ZNF451: variants seen among roughly 807,000 people sequenced by gnomAD.
The protein encoded by ZNF451 is E3 SUMO-protein ligase ZNF451.
A neutral mutation model predicts 107.1 loss-of-function variants in ZNF451; 80 were observed. The ratio of observed to expected loss-of-function variants is 0.75; its 90% confidence interval spans 0.62 to 0.90. ZNF451 has a LOEUF of 0.90. Among genes scored for constraint, ZNF451 ranks in the 40% least tolerant of loss-of-function variants. ZNF451 has a pLI of 0.00. For missense variants in ZNF451, 1,107 were observed against 1,236.2 expected (o/e 0.90, Z 1.57); for synonymous variants, 362 against 406.5 (o/e 0.89, Z 1.32).
rs1483854724 is a variant in ZNF451 at position 57,090,863 on chromosome 6, A to C, written c.74A>C (p.Asp25Ala). The change falls in exon 2 of 15, where the codon GAT becomes GCT. Residue 25 changes from aspartate to alanine, a missense_variant. Physicochemically the swap from Asp to Ala is moderately radical, Grantham distance 126. This residue lies in a region of ZNF451 where 339 missense variants were observed against 372.8 expected (regional missense o/e 0.91). Coordinates refer to ENST00000370706, the MANE Select transcript of ZNF451 (RefSeq NM_001031623.3). ...CCTGAGGCATCTGAGTCAACAACGGATGAAAATGAAGACGACATTCAGTTT... is the reference window on the plus strand; with the variant it reads ...CCTGAGGCATCTGAGTCAACAACGGCTGAAAATGAAGACGACATTCAGTTT... ...AGPEASESTTDENEDDIQFVS... is the reference protein window; with the variant it reads ...AGPEASESTTAENEDDIQFVS... 1.8e-5 allele frequency: 1 copy of C among 54,648 alleles called. No individual in the cohort carries two copies. The highest frequency in any genetic ancestry group is 2.7e-4 in the Admixed American group (1 of 3,686). 3.4% of individuals were successfully genotyped at this position (54,648 alleles called of 1,614,324 possible). A position where few individuals can be genotyped will look rare whatever the true frequency, so the allele number is the denominator to read the frequency against.
chr6:57,152,240 G>A lies in ZNF451; in HGVS notation c.2772G>A (p.Lys924=), dbSNP rs774523296. Residue 924 remains lysine, a synonymous_variant, in exon 12 of 15, where the codon AAG becomes AAA. Transcript: ENST00000370706. ...WGFQGGNTNW[K]PPLNCKIYNY... Reference sequence around the variant, plus strand: ...TAATAGGAGGAAACACCAATTGGAAGCCTCCGCTCAACTGTAAGATTTATA... The same window carrying A: ...TAATAGGAGGAAACACCAATTGGAAACCTCCGCTCAACTGTAAGATTTATA... 4.3e-6 allele frequency: 7 copies of A among 1,611,030 alleles called. No individual in the cohort carries two copies. The highest frequency in any genetic ancestry group is 5.1e-6 in the Non-Finnish European group (6 of 1,178,772).
intron 3 of ZNF451, chr6:57,104,287 A>G: frequency 1.0e-6 from 1 of 985,344 alleles, no homozygotes; most frequent in Non-Finnish European, 1.2e-6. Flanking sequence ...TGCTCTTGAT[A>G]TTGGCACTGT....
chr6:57,147,027 G>T, intron 9 of ZNF451, 63 bp from the exon 10 acceptor site: 1 of 1,410,712 alleles, frequency 7.1e-7, no homozygotes, highest in South Asian at 1.5e-5. Flanking sequence ...GCAATAAAAT[G>T]CAGCAATGGT....
rs771028745 is a variant in ZNF451 at position 57,152,233 on chromosome 6, A to G, written c.2765A>G (p.Asn922Ser). The G allele has an allele frequency of 1.9e-6, 3 of 1,611,270 alleles. No individual in the cohort carries two copies. The highest frequency in any genetic ancestry group is 2.2e-5 in the East Asian group (1 of 44,826). Reference sequence around the variant, plus strand: ...CTAAAATTAATAGGAGGAAACACCAATTGGAAGCCTCCGCTCAACTGTAAG... The same window carrying G: ...CTAAAATTAATAGGAGGAAACACCAGTTGGAAGCCTCCGCTCAACTGTAAG... ...FIWGFQGGNT[N>S]WKPPLNCKIY... is the part of the protein sequence containing the mutation. The change falls in exon 12 of 15, where the codon AAT becomes AGT. Residue 922 changes from asparagine (N) to serine (S), a missense_variant. This residue lies in a region of ZNF451 where 151 missense variants were observed against 173.3 expected (regional missense o/e 0.87). Transcript: ENST00000370706.
intron 7 of ZNF451, among the ~76,000 whole-genome samples, chr6:57,138,723 A>ATGTGTGTGTG (rs1562615442): frequency 8.5e-6 from 1 of 117,004 alleles, no homozygotes; most frequent in Non-Finnish European, 1.8e-5. Context: ...ATATATATAT[A>ATGTGTGTGTG]TATATATATA....
chr6:57,161,123 C>T lies in ZNF451; in HGVS notation c.3110C>T (p.Ser1037Leu), dbSNP rs1036189789. 7 of 1,550,064 alleles carry T rather than the reference C, an allele frequency of 4.5e-6. No homozygotes were observed. In the African/African-American group the frequency reaches 9.8e-5, roughly 22 times the overall value. The change falls in exon 14 of 15, where the codon TCA (serine) becomes TTA (leucine). Residue 1037 changes from serine to leucine, a missense_variant. By Grantham distance (145) the Ser-to-Leu change is moderately radical. This residue lies in a region of ZNF451 where 151 missense variants were observed against 173.3 expected (regional missense o/e 0.87). Transcript: ENST00000370706. ...SDDNMGAKNT[S>L]IGEEFISTED... ...GATAACATGGGTGCCAAAAATACTT[C>T]AATAGGAGAAGAATTTATATCCACA...
At chr6:57,130,188 A>G (rs778746837) in intron 5 of ZNF451, among the ~76,000 whole-genome samples, 7 of 152,168 alleles carry the variant, frequency 4.6e-5, no homozygotes, top group Non-Finnish European at 1.0e-4. Flanking sequence ...AAATATTTGC[A>G]TAATGAACAC....
chr6:57,108,628 G>C (rs1829979371), intron 3 of ZNF451: 1 of 985,158 alleles, frequency 1.0e-6, no homozygotes, highest in Non-Finnish European at 1.2e-6. Flanking sequence ...TAGATTCTTG[G>C]GACAGAACGG....
intron 13 of ZNF451, among the ~76,000 whole-genome samples, chr6:57,159,645 T>G (rs1359535338): frequency 6.6e-6 from 1 of 152,024 alleles, no homozygotes; most frequent in Non-Finnish European, 1.5e-5. Flanking sequence ...AGCCAAAGAT[T>G]GGACACCCCT....
chr6:57,100,751 C>T lies in ZNF451; in HGVS notation c.186+1610C>T, dbSNP rs924029166. The T allele has an allele frequency of 2.6e-6, 4 of 1,550,328 alleles. No homozygotes were observed. In the African/African-American group the frequency reaches 5.5e-5, roughly 21 times the overall value. ...GAAAGGATAGTTTCTCAAACTTCCTCTGTTGAGAACCCATTGGAGAACCAG... is the reference window on the plus strand; with the variant it reads ...GAAAGGATAGTTTCTCAAACTTCCTTTGTTGAGAACCCATTGGAGAACCAG... On this transcript the variant is annotated intron_variant, in intron 3 of 14. Transcript: ENST00000370706.
chr6:57,159,404 T>C (rs1256075275), intron 13 of ZNF451: 1 of 985,280 alleles, frequency 1.0e-6, no homozygotes, highest in Non-Finnish European at 1.2e-6. Flanking sequence ...GGTATTTTCC[T>C]TTTGTTCTTA....
intron 5 of ZNF451, 90 bp downstream of exon 5, chr6:57,128,930 A>G (rs1831054287): frequency 1.2e-6 from 1 of 857,392 alleles, no homozygotes; most frequent in Non-Finnish European, 1.8e-6. Context: ...GCTAATAAGC[A>G]TATAAGATAT....
intron 3 of ZNF451, chr6:57,124,353 G>C: frequency 1.4e-6 from 1 of 702,492 alleles, no homozygotes; most frequent in Non-Finnish European, 2.6e-6. Flanking sequence ...GTTTCCTATG[G>C]AGGTTCCTGC....
In ZNF451 at chr6:57,144,551, T is replaced by C. The variant is rs1281449256; in HGVS notation, c.1004+2456T>C. ...CCACCGCGCCTAGCCGTGAATTATATCTCAATAAAGCTGTTTAAAAATGTT... is the reference window on the plus strand; with the variant it reads ...CCACCGCGCCTAGCCGTGAATTATACCTCAATAAAGCTGTTTAAAAATGTT... On this transcript the variant is annotated intron_variant, in intron 9 of 14. Transcript: ENST00000370706. Among the ~76,000 whole-genome samples, 3 of 152,174 alleles carry C rather than the reference T, an allele frequency of 2.0e-5. No individual in the cohort carries two copies. The East Asian group carries it at 5.8e-4, about 29-fold the overall frequency.
intron 5 of ZNF451, among the ~76,000 whole-genome samples, chr6:57,132,629 G>A (rs1562610973): frequency 6.6e-6 from 1 of 151,990 alleles, no homozygotes; most frequent in Non-Finnish European, 1.5e-5. Context: ...AAGGGAGTAG[G>A]GGCGTAACCT....
intron 3 of ZNF451, among the ~76,000 whole-genome samples, chr6:57,111,940 T>C (rs949177929): frequency 6.3e-4 from 96 of 151,936 alleles, no homozygotes; most frequent in African/African-American, 2.2e-3. Flanking sequence ...CTGTGTACTT[T>C]GTATTTGTAA....
chr6:57,116,191 A>G (rs935934189), intron 3 of ZNF451: 1 of 152,212 alleles, frequency 6.6e-6, no homozygotes, highest in African/African-American at 2.4e-5. Flanking sequence ...AATGGTAGAA[A>G]TTCTCAGTGC....
Position 57,150,873 on chromosome 6 carries a change from TA to T in ZNF451, c.2752+13del. The T allele has an allele frequency of 6.2e-7, 1 of 1,612,664 alleles. No individual in the cohort carries two copies. The highest frequency in any genetic ancestry group is 8.5e-7 in the Non-Finnish European group (1 of 1,179,654). On this transcript the variant is annotated intron_variant, in intron 11 of 14. Coordinates refer to ENST00000370706, the MANE Select transcript of ZNF451 (RefSeq NM_001031623.3). ...TTTGGGGCTTTCAAGGTACGGTTAA[TA>T]AGAAAAACAAAAGAAAACTTTTTCC... is the stretch of plus-strand genomic sequence containing the variant.
chr6:57,106,369 G>A, intron 3 of ZNF451: 4 of 917,964 alleles, frequency 4.4e-6, no homozygotes, highest in Non-Finnish European at 5.2e-6. Flanking sequence ...GAGTGCAATG[G>A]CACGATCTTG....
Sources: allele counts gnomAD v4.1 joint callset (sites outside exome capture counted in the v4.1 genomes callset), GRCh38; gene constraint gnomAD v4.1.1; regional missense constraint gnomAD v4.1.1; transcripts MANE v1.5; gene names NCBI Gene and HGNC (gene_info 2026-07-23, HGNC 2026-07-21).